The following DLC1 variants were observed in gnomAD, a reference collection of about 807,000 sequenced individuals.
The protein encoded by DLC1 is rho GTPase-activating protein 7.
Under a neutral mutation model 140.3 loss-of-function variants are expected in DLC1, and 54 were observed. The ratio of observed to expected loss-of-function variants is 0.38; its 90% CI spans 0.31 to 0.48. The LOEUF is 0.48. Ranked by LOEUF, DLC1 falls within the 20% of genes least tolerant of loss-of-function variation. The probability of loss-of-function intolerance (pLI) is 0.96; values close to 1 mark genes in which losing one functional copy is unlikely to be tolerated. For synonymous variants in DLC1, 986 were observed against 728.1 expected, an observed-to-expected ratio of 1.35 and a Z score of -5.70; for missense variants, 2,536 against 1,907.0, an observed-to-expected ratio of 1.33 and a Z score of -6.14.
intron 4 of DLC1, among the ~76,000 whole-genome samples, chr8:13,355,483 G>A (rs980184334): frequency 6.6e-6 from 1 of 152,144 alleles, no homozygotes; most frequent in African/African-American, 2.4e-5. Context: ...GGTCTGGCAG[G>A]GTTCTGCTTC....
intron 1 of DLC1, among the ~76,000 whole-genome samples, chr8:13,566,664 C>A (rs1804439115): frequency 6.6e-6 from 1 of 152,198 alleles, no homozygotes. Context: ...ACAGAGTTTG[C>A]AAGGTTTTCC....
chr8:13,434,444 T>TAAAAAA (rs1366670137), intron 2 of DLC1, among the ~76,000 whole-genome samples: 3 of 152,176 alleles, frequency 2.0e-5, no homozygotes, highest in Non-Finnish European at 4.4e-5. Flanking sequence ...TGTAAAAACG[T>TAAAAAA]GCAGGCATGA....
chr8:13,358,356 G>T (rs889709749), intron 4 of DLC1, among the ~76,000 whole-genome samples: 49 of 152,132 alleles, frequency 3.2e-4, no homozygotes, highest in African/African-American at 1.1e-3. Flanking sequence ...TCACCCCCAG[G>T]TTAGTGAGAC....
chr8:13,597,406 A>C (rs551167744), intron 1 of DLC1, among the ~76,000 whole-genome samples: 32 of 152,172 alleles, frequency 2.1e-4, no homozygotes, highest in Non-Finnish European at 4.3e-4. Context: ...TACTTTGGCC[A>C]CTTGAGTTAG....
intron 5 of DLC1, among the ~76,000 whole-genome samples, chr8:13,224,351 G>A (rs1828691328): frequency 6.6e-6 from 1 of 152,150 alleles, no homozygotes; most frequent in Non-Finnish European, 1.5e-5. Flanking sequence ...CAGTCCGGTT[G>A]GTCAGAAGAA....
intron 5 of DLC1, among the ~76,000 whole-genome samples, chr8:13,200,807 A>T (rs1827339207): frequency 6.6e-6 from 1 of 152,140 alleles, no homozygotes. Flanking sequence ...TATGCTGCCC[A>T]GGCTGGTCCG....
intron 1 of DLC1, among the ~76,000 whole-genome samples, chr8:13,532,620 C>G (rs1018233988): frequency 6.6e-6 from 1 of 152,148 alleles, no homozygotes; most frequent in Non-Finnish European, 1.5e-5. Context: ...TGGATTCTCA[C>G]TCTACCATAA....
intron 1 of DLC1, among the ~76,000 whole-genome samples, chr8:13,522,151 G>C (rs1041901522): frequency 6.6e-6 from 1 of 152,144 alleles, no homozygotes; most frequent in African/African-American, 2.4e-5. Context: ...CTGGTACTGC[G>C]CAGTGGGGTA....
chr8:13,560,411 C>T (rs1040082545), intron 1 of DLC1, among the ~76,000 whole-genome samples: 4 of 152,122 alleles, frequency 2.6e-5, no homozygotes, highest in Non-Finnish European at 4.4e-5. Context: ...GAGAATATAA[C>T]GTGTACTCAC....
intron 3 of DLC1, among the ~76,000 whole-genome samples, chr8:13,401,136 T>C (rs941242449): frequency 2.0e-5 from 3 of 152,190 alleles, no homozygotes; most frequent in Non-Finnish European, 4.4e-5. Context: ...ATAGACATAG[T>C]GCTTGCTAAC....
intron 5 of DLC1, among the ~76,000 whole-genome samples, chr8:13,282,668 A>T (rs1411450812): frequency 6.6e-6 from 1 of 151,974 alleles, no homozygotes; most frequent in Admixed American, 6.6e-5. Flanking sequence ...ATTTTTCACC[A>T]TGTAAAATTA....
intron 1 of DLC1, among the ~76,000 whole-genome samples, chr8:13,574,357 T>A (rs192116846): frequency 1.1e-4 from 17 of 152,304 alleles, no homozygotes; most frequent in Non-Finnish European, 1.9e-4. Flanking sequence ...ATCTGAAATT[T>A]TGAAATGGGA....
In DLC1 at chr8:13,098,489, G is replaced by A; in HGVS notation, c.3077C>T (p.Ala1026Val). 1 of 1,614,210 alleles carries A rather than the reference G, an allele frequency of 6.2e-7. No homozygotes were observed. Among genetic ancestry groups the A allele is most frequent in the Non-Finnish European group, 8.5e-7 (1 of 1,180,032 alleles). The change falls in exon 10 of 18, where the codon GCC (alanine) becomes GTC (valine). Residue 1026 changes from alanine (A) to valine (V), a missense_variant. Coordinates refer to ENST00000276297, the MANE Select transcript of DLC1 (RefSeq NM_182643.3). ...GTATTTCTGCAGCAGGTTCATCTGG[G>A]CCACAGACTGGCAGTTAATCTGTAG... Reference protein sequence around the residue: ...VSLQINCQSVAQMNLLQKYSL... With the variant: ...VSLQINCQSVVQMNLLQKYSL...
Position 13,401,621 on chromosome 8 carries a change from T to C in DLC1, c.1024-2A>G. On this transcript the variant is annotated splice_acceptor_variant, in intron 2 of 17. Transcript: ENST00000276297. LOFTEE classifies it high-confidence loss of function. ...CCTATCTCGATCTTCTCTTATTTCCTGAGGAACAGAACATTTTGTTACTGA... is the reference window on the plus strand; with the variant it reads ...CCTATCTCGATCTTCTCTTATTTCCCGAGGAACAGAACATTTTGTTACTGA... 2.5e-6 allele frequency: 4 copies of C among 1,611,580 alleles called. No individual in the cohort carries two copies. Among genetic ancestry groups the C allele is most frequent in the Non-Finnish European group, 3.4e-6 (4 of 1,179,162 alleles).
At chr8:13,453,990 T>G (rs1395447527) in intron 2 of DLC1, among the ~76,000 whole-genome samples, 1 of 152,162 alleles carries the variant, frequency 6.6e-6, no homozygotes, top group African/African-American at 2.4e-5. Flanking sequence ...TTACTATATG[T>G]GCCAAGGCTG....
At chr8:13,566,188 G>C (rs1338417900) in intron 1 of DLC1, among the ~76,000 whole-genome samples, 1 of 152,128 alleles carries the variant, frequency 6.6e-6, no homozygotes, top group African/African-American at 2.4e-5. Flanking sequence ...AAGAGTTTAA[G>C]GCAGGGGTGG....
At chr8:13,355,812 T>C (rs542719011) in intron 4 of DLC1, among the ~76,000 whole-genome samples, 6 of 152,032 alleles carry the variant, frequency 3.9e-5, no homozygotes, top group African/African-American at 1.2e-4. Context: ...TGGCTCAGCA[T>C]GGTGGCTCAC....
At chr8:13,251,776 T>C (rs1405814811) in intron 5 of DLC1, among the ~76,000 whole-genome samples, 1 of 152,158 alleles carries the variant, frequency 6.6e-6, no homozygotes, top group Non-Finnish European at 1.5e-5. Context: ...CCCATATCTT[T>C]CCCTAATCTG....
chr8:13,314,233 ATATTT>A (rs1832783369), intron 4 of DLC1, among the ~76,000 whole-genome samples: 1 of 57,974 alleles, frequency 1.7e-5, no homozygotes, highest in Non-Finnish European at 4.1e-5. Context: ...TATTACACAT[ATATTT>A]ATAATATACA....
Sources: gnomAD v4.1 joint callset for allele counts (sites outside exome capture counted in the v4.1 genomes callset) on GRCh38, gnomAD v4.1.1 for gene constraint, MANE v1.5 for transcripts, NCBI Gene and HGNC (gene_info 2026-07-23, HGNC 2026-07-21) for gene names.